KLHDC7B: variants seen among roughly 807,000 people sequenced by gnomAD.
The protein encoded by KLHDC7B is kelch domain-containing protein 7B.
Under a neutral mutation model 0.6 loss-of-function variants are expected in KLHDC7B, and 1 was observed. That is an observed-to-expected ratio of 1.71 (90% confidence interval 0.61 to 8.11). The LOEUF is 8.11. Among genes scored for constraint, KLHDC7B ranks in the 30% most tolerant of loss-of-function variants. The pLI, the probability that KLHDC7B is intolerant of heterozygous loss-of-function variation, is 0.13. For missense variants in KLHDC7B, 993 were observed against 894.9 expected, an observed-to-expected ratio of 1.11 and a Z score of -1.40; for synonymous variants, 462 against 405.2, an observed-to-expected ratio of 1.14 and a Z score of -1.68.
In KLHDC7B at chr22:50,547,468, C is replaced by G; in HGVS notation, c.1225C>G (p.Pro409Ala). Residue 409 changes from proline (P) to alanine (A), a missense_variant, in exon 1 of 1, where the codon CCC (proline) becomes GCC (alanine). Physicochemically the swap from Pro to Ala is conservative, Grantham distance 27. Coordinates refer to ENST00000648057, the MANE Select transcript of KLHDC7B (RefSeq NM_138433.5). Reference protein sequence around the residue: ...KPAAAGHSRAPSRSREPRPRS... With the variant: ...KPAAAGHSRAASRSREPRPRS... ...GGCTGCAGCCGGCCACAGCCGCGCG[C>G]CCTCCCGGAGCCGTGAGCCTCGCCC... 2.6e-6 allele frequency: 1 copy of G among 385,154 alleles called. No individual in the cohort carries two copies. Among genetic ancestry groups the G allele is most frequent in the South Asian group, 1.3e-4 (1 of 7,502 alleles). The allele number at this position is 385,154 out of a possible 1,614,324, so 23.9% of individuals were successfully genotyped here.
chr22:50,548,795 C>A lies in KLHDC7B; in HGVS notation c.2552C>A (p.Thr851Lys). The change falls in exon 1 of 1, where the codon ACG (threonine) becomes AAG (lysine). Residue 851 changes from threonine to lysine, a missense_variant. Physicochemically the swap from Thr to Lys is moderately conservative, Grantham distance 78. Coordinates refer to ENST00000648057, the MANE Select transcript of KLHDC7B (RefSeq NM_138433.5). This position sits in a 1 kb window ranked among gnomAD's most constrained non-coding sequence, Gnocchi z 5.3. Reference protein sequence around the residue: ...KPSSRALEPATAAALRRRLDL... With the variant: ...KPSSRALEPAKAAALRRRLDL... The stretch of plus-strand genomic sequence containing the variant: ...AGCTCCCGGGCCCTGGAGCCCGCCA[C>A]GGCGGCAGCCCTGCGGCGGCGGCTG... 1 of 1,462,568 alleles carries A rather than the reference C, an allele frequency of 6.8e-7. No homozygotes were observed. Among genetic ancestry groups the A allele is most frequent in the Non-Finnish European group, 9.0e-7 (1 of 1,112,676 alleles). 90.6% of individuals were successfully genotyped at this position (1,462,568 alleles called of 1,614,324 possible).
chr22:50,547,764 C>T lies in KLHDC7B; in HGVS notation c.1521C>T (p.Ala507=), dbSNP rs2069747626. 2 of 510,364 alleles carry T rather than the reference C, an allele frequency of 3.9e-6. No homozygotes were observed. The highest frequency in any genetic ancestry group is 7.4e-5 in the Admixed American group (2 of 27,174). The allele number at this position is 510,364 out of a possible 1,614,324, so 31.6% of individuals were successfully genotyped here. A position where few individuals can be genotyped will look rare whatever the true frequency, so the allele number is the denominator to read the frequency against. The change falls in exon 1 of 1, where the codon GCC becomes GCT. Residue 507 remains alanine (A), a synonymous_variant. Transcript: ENST00000648057. ...TSTSSPTSAP[A]PAPTSAPTST... ...CCTCATCCCCCACCTCAGCCCCAGC[C>T]CCAGCTCCAACCTCAGCTCCAACTT...
Position 50,548,945 on chromosome 22 carries a change from A to C in KLHDC7B, c.2702A>C (p.Tyr901Ser). Reference sequence around the variant, plus strand: ...CGAGTGCTGGGAGACCCGTGCCTCTACCGCCGGCTGAGCGCGGCCGACCGC... The same window carrying C: ...CGAGTGCTGGGAGACCCGTGCCTCTCCCGCCGGCTGAGCGCGGCCGACCGC... ...LLRVLGDPCL[Y>S]RRLSAADRER... Residue 901 changes from tyrosine to serine, a missense_variant, in exon 1 of 1, where the codon TAC becomes TCC. By Grantham distance (144) the Tyr-to-Ser change is moderately radical. Coordinates refer to ENST00000648057, the MANE Select transcript of KLHDC7B (RefSeq NM_138433.5). This position sits in a 1 kb window ranked among gnomAD's most constrained non-coding sequence, Gnocchi z 5.3. 1 of 1,597,242 alleles carries C rather than the reference A, an allele frequency of 6.3e-7. No homozygotes were observed. Among genetic ancestry groups the C allele is most frequent in the Non-Finnish European group, 8.5e-7 (1 of 1,173,628 alleles).
At position 50,550,552 on chromosome 22, in the gene KLHDC7B, C is replaced by A; in HGVS notation, c.*601C>A. On this transcript the variant is annotated 3_prime_UTR_variant, in exon 1 of 1. Transcript: ENST00000648057. ...TGTCTGCAGCTCCTGCCCATACCCC[C>A]AGCCCACACCAGGCCAGGCCCACTC... is the stretch of plus-strand genomic sequence containing the variant. 1 of 166,846 alleles carries A rather than the reference C, an allele frequency of 6.0e-6. No individual in the cohort carries two copies. Among genetic ancestry groups the A allele is most frequent in the Non-Finnish European group, 1.5e-5 (1 of 68,964 alleles). 10.3% of individuals were successfully genotyped at this position (166,846 alleles called of 1,614,324 possible). A position where few individuals can be genotyped will look rare whatever the true frequency, so the allele number is the denominator to read the frequency against.
In KLHDC7B at chr22:50,547,765, C is replaced by CCAGCTCCAACCT; in HGVS notation, c.1533_1544dup (p.Ala513_Ser516dup). 1 of 509,814 alleles carries CCAGCTCCAACCT rather than the reference C, an allele frequency of 2.0e-6. No homozygotes were observed. 31.6% of individuals were successfully genotyped at this position (509,814 alleles called of 1,614,324 possible). A position where few individuals can be genotyped will look rare whatever the true frequency, so the allele number is the denominator to read the frequency against. On this transcript the variant is annotated inframe_insertion, in exon 1 of 1. Coordinates refer to ENST00000648057, the MANE Select transcript of KLHDC7B (RefSeq NM_138433.5). Reference sequence around the variant, plus strand: ...CTCATCCCCCACCTCAGCCCCAGCCCCAGCTCCAACCTCAGCTCCAACTTC... The same window carrying CCAGCTCCAACCT: ...CTCATCCCCCACCTCAGCCCCAGCCCCAGCTCCAACCTCAGCTCCAACCTCAGCTCCAACTTC...
At position 50,548,751 on chromosome 22, in the gene KLHDC7B, G is replaced by A; in HGVS notation, c.2508G>A (p.Val836=). 6.9e-7 allele frequency: 1 copy of A among 1,455,136 alleles called. No individual in the cohort carries two copies. The highest frequency in any genetic ancestry group is 9.0e-7 in the Non-Finnish European group (1 of 1,109,080). The allele number at this position is 1,455,136 out of a possible 1,614,324, so 90.1% of individuals were successfully genotyped here. The change falls in exon 1 of 1, where the codon GTG becomes GTA. Residue 836 remains valine, a synonymous_variant. Transcript: ENST00000648057. The surrounding 1 kb of genome is among the most constrained non-coding windows in gnomAD (Gnocchi z 5.3). ...FLQRPGGWGV[V]EGPRKPSSRA... is the part of the protein sequence containing the mutation. The stretch of plus-strand genomic sequence containing the variant: ...AGAGGCCCGGGGGTTGGGGGGTGGT[G>A]GAGGGGCCCCGGAAGCCCAGCTCCC...
In KLHDC7B at chr22:50,549,229, T is replaced by C; in HGVS notation, c.2986T>C (p.Tyr996His). The C allele has an allele frequency of 1.9e-6, 3 of 1,609,094 alleles. No homozygotes were observed. Among genetic ancestry groups the C allele is most frequent in the Non-Finnish European group, 2.5e-6 (3 of 1,179,906 alleles). The change falls in exon 1 of 1, where the codon TAC (tyrosine) becomes CAC (histidine). Residue 996 changes from tyrosine to histidine, a missense_variant. Transcript: ENST00000648057. ...CTGCGGTCTCTGCACCATGCACAACTACCTGTTTCTGGCGGGGGGCATCCG... is the reference window on the plus strand; with the variant it reads ...CTGCGGTCTCTGCACCATGCACAACCACCTGTTTCTGGCGGGGGGCATCCG... ...RGCGLCTMHN[Y>H]LFLAGGIRGS...
Position 50,549,765 on chromosome 22 carries a change from C to A in KLHDC7B, c.3522C>A (p.His1174Gln), listed in dbSNP as rs1484611022. The A allele has an allele frequency of 6.3e-7, 1 of 1,598,880 alleles. No individual in the cohort carries two copies. The highest frequency in any genetic ancestry group is 1.1e-5 in the South Asian group (1 of 90,466). Residue 1174 changes from histidine to glutamine, a missense_variant, in exon 1 of 1, where the codon CAC becomes CAA. Transcript: ENST00000648057. Reference sequence around the variant, plus strand: ...CCCTGCCCGCCCCCGCCCCACTGCACTGCACCACCCTGGGCAACACCATTT... The same window carrying A: ...CCCTGCCCGCCCCCGCCCCACTGCAATGCACCACCCTGGGCAACACCATTT... ...SLPLPAPAPL[H>Q]CTTLGNTIYC...
chr22:50,548,429 G>A lies in KLHDC7B; in HGVS notation c.2186G>A (p.Arg729Lys), dbSNP rs772305227. The change falls in exon 1 of 1, where the codon AGG (arginine) becomes AAG (lysine). Residue 729 changes from arginine to lysine, a missense_variant. Coordinates refer to ENST00000648057, the MANE Select transcript of KLHDC7B (RefSeq NM_138433.5). This position sits in a 1 kb window ranked among gnomAD's most constrained non-coding sequence, Gnocchi z 5.3. ...CCAGGCCTAAGAGGAGAGGGAACCA[G>A]GGAGAAAAGTCTAGACCCGCTGCCC... is the stretch of plus-strand genomic sequence containing the variant. The part of the protein sequence containing the change: ...PPPGLRGEGT[R>K]EKSLDPLPQA... 188 of 1,576,306 alleles carry A rather than the reference G, an allele frequency of 1.2e-4. 1 individual carries two copies. The highest frequency in any genetic ancestry group is 2.7e-5 in the Non-Finnish European group (31 of 1,161,432).
Position 50,549,047 on chromosome 22 carries a change from G to A in KLHDC7B, c.2804G>A (p.Gly935Glu), listed in dbSNP as rs759585359. The change falls in exon 1 of 1, where the codon GGG becomes GAG. Residue 935 changes from glycine to glutamate, a missense_variant. Physicochemically the swap from Gly to Glu is moderately conservative, Grantham distance 98. Transcript: ENST00000648057. The part of the protein sequence containing the change: ...GVLVLPSLYQ[G>E]GRSGLPRGPR... ...CTCGTACTGCCCAGCCTCTACCAGG[G>A]GGGCCGCTCAGGGCTCCCCAGGGGC... The A allele has an allele frequency of 6.3e-7, 1 of 1,597,058 alleles. No individual in the cohort carries two copies. The highest frequency in any genetic ancestry group is 1.7e-5 in the Admixed American group (1 of 59,346).
Position 50,549,369 on chromosome 22 carries a change from G to A in KLHDC7B, c.3126G>A (p.Val1042=), listed in dbSNP as rs1252580403. The A allele has an allele frequency of 6.2e-7, 1 of 1,612,736 alleles. No individual in the cohort carries two copies. Among genetic ancestry groups the A allele is most frequent in the Non-Finnish European group, 8.5e-7 (1 of 1,179,942 alleles). ...AGGCCCGAGCCCAGCTCAAGCTGGT[G>A]GCCCTGGACGGGCTGCTCTATGCCA... The part of the protein sequence containing the change: ...MQQARAQLKL[V]ALDGLLYAIG... The change falls in exon 1 of 1, where the codon GTG becomes GTA. Residue 1042 remains valine (V), a synonymous_variant. Transcript: ENST00000648057.
rs1282496171 is a variant in KLHDC7B at position 50,549,610 on chromosome 22, C to G, written c.3367C>G (p.His1123Asp). ...AWDECPYSAS[H>D]RRSSDIVALG... ...GGACGAGTGCCCATACAGTGCCAGC[C>G]ACCGGCGTTCCAGCGACATCGTGGC... Residue 1123 changes from histidine to aspartate, a missense_variant, in exon 1 of 1, where the codon CAC becomes GAC. His to Asp is a moderately conservative substitution (Grantham distance 81). Coordinates refer to ENST00000648057, the MANE Select transcript of KLHDC7B (RefSeq NM_138433.5). 6.4e-7 allele frequency: 1 copy of G among 1,559,716 alleles called. No individual in the cohort carries two copies. The highest frequency in any genetic ancestry group is 1.8e-5 in the Admixed American group (1 of 55,568).
At position 50,549,624 on chromosome 22, in the gene KLHDC7B, C is replaced by T. The variant is rs763221894; in HGVS notation, c.3381C>T (p.Ser1127=). 4 of 1,556,828 alleles carry T rather than the reference C, an allele frequency of 2.6e-6. No homozygotes were observed. Among genetic ancestry groups the T allele is most frequent in the South Asian group, 2.4e-5 (2 of 82,830 alleles). ...CPYSASHRRS[S]DIVALGGFLY... is the part of the protein sequence containing the mutation. ...ACAGTGCCAGCCACCGGCGTTCCAG[C>T]GACATCGTGGCACTGGGGGGCTTCC... Residue 1127 remains serine, a synonymous_variant, in exon 1 of 1, where the codon AGC becomes AGT. Transcript: ENST00000648057.
At position 50,548,982 on chromosome 22, in the gene KLHDC7B, C is replaced by T. The variant is rs1387136414; in HGVS notation, c.2739C>T (p.Leu913=). 1.9e-6 allele frequency: 3 copies of T among 1,598,490 alleles called. No homozygotes were observed. The highest frequency in any genetic ancestry group is 2.6e-6 in the Non-Finnish European group (3 of 1,175,052). Residue 913 remains leucine, a synonymous_variant, in exon 1 of 1, where the codon CTC becomes CTT. Coordinates refer to ENST00000648057, the MANE Select transcript of KLHDC7B (RefSeq NM_138433.5). This position sits in a 1 kb window ranked among gnomAD's most constrained non-coding sequence, Gnocchi z 5.3. ...RLSAADRERI[L]SLRTGRGRAV... is the part of the protein sequence containing the mutation. ...GCGCGGCCGACCGCGAGCGCATCCT[C>T]AGCCTGCGGACCGGCCGGGGCCGGG...
rs1212272129 is a variant in KLHDC7B, at chr22:50,547,099, C to A, written c.856C>A (p.Pro286Thr). ...CACAGGACCCCCACTCGCCCAGGAG[C>A]CCGCACTCCCGGCGCTGCCCGCTCC... is the stretch of plus-strand genomic sequence containing the variant. ...LPTGPPLAQE[P>T]ALPALPAPRA... The change falls in exon 1 of 1, where the codon CCC (proline) becomes ACC (threonine). Residue 286 changes from proline (P) to threonine (T), a missense_variant. Coordinates refer to ENST00000648057, the MANE Select transcript of KLHDC7B (RefSeq NM_138433.5). Among the ~76,000 whole-genome samples the A allele has an allele frequency of 1.2e-4, 18 of 152,018 alleles. No individual in the cohort carries two copies. In the East Asian group the frequency reaches 2.1e-3, roughly 18 times the overall value.
In KLHDC7B at chr22:50,548,517, C is replaced by T; in HGVS notation, c.2274C>T (p.Ala758=). Residue 758 remains alanine, a synonymous_variant, in exon 1 of 1, where the codon GCC becomes GCT. Coordinates refer to ENST00000648057, the MANE Select transcript of KLHDC7B (RefSeq NM_138433.5). This position sits in a 1 kb window ranked among gnomAD's most constrained non-coding sequence, Gnocchi z 5.3. ...CGCAGAGGCCGCCTGGCCCCGCGGC[C>T]TCCTCCTCTGCGAGGCGCTCACAGC... is the stretch of plus-strand genomic sequence containing the variant. ...PPAQRPPGPA[A]SSSARRSQPV... 6.4e-7 allele frequency: 1 copy of T among 1,555,260 alleles called. No individual in the cohort carries two copies. The highest frequency in any genetic ancestry group is 1.4e-5 in the African/African-American group (1 of 73,662).
rs1190352883 is a variant in KLHDC7B at position 50,548,866 on chromosome 22, G to T, written c.700G>T (p.Gly234Ter). 8.3e-6 allele frequency: 13 copies of T among 1,561,590 alleles called. No homozygotes were observed. In the East Asian group the frequency reaches 2.2e-4, roughly 26 times the overall value. ...CGTGCTGGCCTTTGCCCAGCAGCAC[G>T]GAGAGCCCGGCCTGGCGCAGGAGAC... The change falls in exon 1 of 1, where the codon GGA (glycine) becomes TGA (stop). Residue 234 changes from glycine to a stop codon, truncating the protein, a stop_gained. Coordinates refer to the KLHDC7B transcript ENST00000395676. LOFTEE classifies it low-confidence loss of function (END_TRUNC). This position sits in a 1 kb window ranked among gnomAD's most constrained non-coding sequence, Gnocchi z 5.3.
rs2069727941 is a variant in KLHDC7B, at chr22:50,546,323, T to G, written c.80T>G (p.Val27Gly). Reference protein sequence around the residue: ...WDSDNDWDSAVLALLALAVVA... With the variant: ...WDSDNDWDSAGLALLALAVVA... ...AGTGACAATGACTGGGATAGTGCTG[T>G]GCTGGCCCTCCTGGCGCTGGCTGTG... The change falls in exon 1 of 1, where the codon GTG becomes GGG. Residue 27 changes from valine (V) to glycine (G), a missense_variant. By Grantham distance (109) the Val-to-Gly change is moderately radical. Transcript: ENST00000648057. The G allele has an allele frequency of 2.3e-5, 9 of 399,254 alleles. No individual in the cohort carries two copies. In the East Asian group the frequency reaches 3.2e-4, roughly 14 times the overall value. 24.7% of individuals were successfully genotyped at this position (399,254 alleles called of 1,614,324 possible).
Position 50,550,810 on chromosome 22 carries a change from A to G in KLHDC7B, c.*859A>G, listed in dbSNP as rs896586043. 5.6e-6 allele frequency: 1 copy of G among 177,492 alleles called. No homozygotes were observed. The highest frequency in any genetic ancestry group is 2.4e-5 in the African/African-American group (1 of 41,916). The allele number at this position is 177,492 out of a possible 1,614,324, so 11.0% of individuals were successfully genotyped here. On this transcript the variant is annotated 3_prime_UTR_variant, in exon 1 of 1. Transcript: ENST00000648057. ...AGTTGTGGGAGACAAGATCACAGCT[A>G]TGAGCACCTCGCACGGTGTCCAGGA...
Sources: allele counts gnomAD v4.1 joint callset (sites outside exome capture counted in the v4.1 genomes callset), GRCh38; gene constraint gnomAD v4.1.1; non-coding constraint Gnocchi (gnomAD v3.1); transcripts MANE v1.5; gene names NCBI Gene and HGNC (gene_info 2026-07-23, HGNC 2026-07-21).